Variants in CPNE4 observed in about 807,000 individuals in gnomAD.
CPNE4 encodes the protein copine 4.
A neutral mutation model predicts 67.9 loss-of-function variants in CPNE4; 25 were observed. The ratio of observed to expected loss-of-function variants is 0.37; its 90% CI spans 0.27 to 0.51. The LOEUF (loss-of-function observed/expected upper bound fraction) is 0.51. Among genes scored for constraint, CPNE4 ranks in the 20% least tolerant of loss-of-function variants. The pLI, the probability that CPNE4 is intolerant of heterozygous loss-of-function variation, is 0.93. For synonymous variants in CPNE4, 242 were observed against 244.9 expected (o/e 0.99, Z 0.11); for missense variants, 464 against 690.8 (o/e 0.67, Z 3.68).
chr3:131,580,215 G>A (rs1937708495), intron 9 of CPNE4, among the ~76,000 whole-genome samples: 1 of 151,992 alleles, frequency 6.6e-6, no homozygotes. Context: ...TAGCAATAAG[G>A]TATTTTTAAA....
At chr3:131,741,575 A>C (rs558565303) in intron 2 of CPNE4, among the ~76,000 whole-genome samples, 1 of 152,250 alleles carries the variant, frequency 6.6e-6, no homozygotes, top group African/African-American at 2.4e-5. Flanking sequence ...CAGGGAAATA[A>C]GTTTTCTGAA....
intron 1 of CPNE4, among the ~76,000 whole-genome samples, chr3:131,963,192 G>A: frequency 6.6e-6 from 1 of 152,060 alleles, no homozygotes; most frequent in East Asian, 1.9e-4. Flanking sequence ...AGCCATGAGG[G>A]ACTGTCCTAT....
At chr3:131,789,319 C>G (rs2083651754) in intron 2 of CPNE4, among the ~76,000 whole-genome samples, 1 of 152,164 alleles carries the variant, frequency 6.6e-6, no homozygotes, top group African/African-American at 2.4e-5. Flanking sequence ...CTTGTACTCT[C>G]AGAGACTCAC....
At chr3:131,606,429 G>A (rs1314919225) in intron 7 of CPNE4, among the ~76,000 whole-genome samples, 2 of 152,164 alleles carry the variant, frequency 1.3e-5, no homozygotes, top group Non-Finnish European at 2.9e-5. Context: ...CTATGTCCAA[G>A]CCAATTCTGG....
At chr3:131,644,309 G>GAC (rs1294345729) in intron 7 of CPNE4, among the ~76,000 whole-genome samples, 1 of 151,988 alleles carries the variant, frequency 6.6e-6, no homozygotes, top group Admixed American at 6.6e-5. Context: ...CACCATGCCT[G>GAC]ACTAGTTTTT....
chr3:131,900,852 ACCAAAGCCCAT>A, intron 2 of CPNE4, among the ~76,000 whole-genome samples: 1 of 152,258 alleles, frequency 6.6e-6, no homozygotes, highest in South Asian at 2.1e-4. Context: ...CCAACAACTC[ACCAAAGCCCAT>A]GGTTCATCAT....
chr3:131,768,822 T>C (rs1355782), intron 2 of CPNE4, among the ~76,000 whole-genome samples: 51,166 of 151,974 alleles, frequency 0.34, 9,119 homozygotes, highest in South Asian at 0.45. Flanking sequence ...AGCCCCAAAC[T>C]AGGCCATGAT....
chr3:131,799,372 T>C (rs1298826212), intron 2 of CPNE4, among the ~76,000 whole-genome samples: 4 of 152,086 alleles, frequency 2.6e-5, no homozygotes, highest in Admixed American at 6.6e-5. Flanking sequence ...AGGCTCAGAA[T>C]CCTCCTTCAC....
chr3:131,969,196 G>A (rs1035249938), intron 1 of CPNE4, among the ~76,000 whole-genome samples: 2 of 151,912 alleles, frequency 1.3e-5, no homozygotes, highest in East Asian at 3.9e-4. Flanking sequence ...TCACACACCA[G>A]GGCCTGTCAG....
intron 2 of CPNE4, among the ~76,000 whole-genome samples, chr3:131,772,313 A>G (rs2083187909): frequency 6.6e-6 from 1 of 152,190 alleles, no homozygotes; most frequent in Non-Finnish European, 1.5e-5. Flanking sequence ...GATTCAATAA[A>G]TTTTATTATA....
intron 2 of CPNE4, among the ~76,000 whole-genome samples, chr3:131,856,760 A>G (rs1037448611): frequency 5.9e-5 from 9 of 152,034 alleles, no homozygotes; most frequent in Admixed American, 3.9e-4. Flanking sequence ...AGCAGGCACT[A>G]TTCTAAAGCT....
intron 1 of CPNE4, among the ~76,000 whole-genome samples, chr3:131,992,548 A>T (rs1180578503): frequency 7.4e-6 from 1 of 135,934 alleles, no homozygotes. Context: ...GACTTCCCTT[A>T]TCTCAGATGA....
chr3:131,796,126 T>A (rs2083910488), intron 2 of CPNE4, among the ~76,000 whole-genome samples: 1 of 152,106 alleles, frequency 6.6e-6, no homozygotes, highest in African/African-American at 2.4e-5. Context: ...TGGGCTCTAA[T>A]ATCTTTGGCT....
At chr3:131,859,624 T>G (rs1287350781) in intron 2 of CPNE4, among the ~76,000 whole-genome samples, 1 of 152,172 alleles carries the variant, frequency 6.6e-6, no homozygotes, top group Admixed American at 6.6e-5. Context: ...GCATCAGCAA[T>G]TTTTAAAGGT....
At chr3:131,652,498 GA>G (rs1194326637) in intron 7 of CPNE4, among the ~76,000 whole-genome samples, 1 of 152,014 alleles carries the variant, frequency 6.6e-6, no homozygotes, top group Non-Finnish European at 1.5e-5. Flanking sequence ...ACAGGAACTA[GA>G]AAGTTCTCAG....
Position 131,796,152 on chromosome 3 carries a change from G to GT in CPNE4, c.181-72528dup, listed in dbSNP as rs951842963. On this transcript the variant is annotated intron_variant, in intron 2 of 15. Coordinates refer to ENST00000429747, the MANE Select transcript of CPNE4 (RefSeq NM_130808.3). ...ATCTTTGGCTAGAGGAGATGACAGA[G>GT]TTTTTTTTTTTTGTAAAAGGAGCTA... Among the ~76,000 whole-genome samples the GT allele has an allele frequency of 1.0e-2, 1,449 of 145,034 alleles. 16 individuals carry two copies. The highest frequency in any genetic ancestry group is 0.029 in the African/African-American group (1,139 of 39,796).
At chr3:131,696,262 A>G (rs2081154805) in intron 5 of CPNE4, among the ~76,000 whole-genome samples, 1 of 152,184 alleles carries the variant, frequency 6.6e-6, no homozygotes, top group South Asian at 2.1e-4. Flanking sequence ...GAATGTCCCT[A>G]GAAATGGGGT....
chr3:131,886,854 C>T (rs1438593865), intron 2 of CPNE4, among the ~76,000 whole-genome samples: 13 of 152,204 alleles, frequency 8.5e-5, no homozygotes, highest in African/African-American at 2.9e-4. Context: ...TTTGTACCCC[C>T]ATCATATTTG....
intron 2 of CPNE4, among the ~76,000 whole-genome samples, chr3:131,822,662 T>C (rs558441832): frequency 6.6e-6 from 1 of 152,280 alleles, no homozygotes; most frequent in Admixed American, 6.5e-5. Context: ...TAAAAGTATA[T>C]ATATCCAGTT....
Sources: gnomAD v4.1 joint callset for allele counts (sites outside exome capture counted in the v4.1 genomes callset) on GRCh38, gnomAD v4.1.1 for gene constraint, MANE v1.5 for transcripts, NCBI Gene and HGNC (gene_info 2026-07-23, HGNC 2026-07-21) for gene names.